The following CALHM4 variants were observed in gnomAD, a reference collection of about 807,000 sequenced individuals.
CALHM4 encodes the protein calcium homeostasis modulator protein 4.
A neutral mutation model predicts 13.3 loss-of-function variants in CALHM4; 16 were observed. The observed-to-expected ratio is 1.20, with a 90% CI of 0.81 to 1.82. The LOEUF is 1.82. Among genes scored for constraint, CALHM4 ranks in the 40% most tolerant of loss-of-function variants. The pLI, the probability that CALHM4 is intolerant of heterozygous loss-of-function variation, is 0.00. For missense variants in CALHM4, 344 were observed against 374.9 expected (o/e 0.92, Z 0.68); for synonymous variants, 127 against 137.1 (o/e 0.93, Z 0.52).
chr6:116,555,601 G>A (rs1304826954), intron 1 of CALHM4, among the ~76,000 whole-genome samples: 1 of 152,130 alleles, frequency 6.6e-6, no homozygotes, highest in East Asian at 1.9e-4. Context: ...CCATTTTACA[G>A]ATAAGTAAAT....
chr6:116,544,365 C>A (rs1045524509), intron 2 of CALHM4, among the ~76,000 whole-genome samples: 1 of 152,000 alleles, frequency 6.6e-6, no homozygotes. Context: ...ATATTGAAAT[C>A]TATTTTATTT....
chr6:116,556,022 G>A (rs1774300877), intron 1 of CALHM4, among the ~76,000 whole-genome samples: 1 of 152,144 alleles, frequency 6.6e-6, no homozygotes, highest in African/African-American at 2.4e-5. Flanking sequence ...TCTGGCCCTT[G>A]ACCACTTTTA....
At chr6:116,529,835 C>A (rs1251753464) in intron 1 of CALHM4, among the ~76,000 whole-genome samples, 2 of 152,124 alleles carry the variant, frequency 1.3e-5, no homozygotes, top group South Asian at 4.1e-4. Flanking sequence ...TATTTTATGG[C>A]CCCCAGGCTG....
chr6:116,529,260 C>T (rs1368779838), intron 1 of CALHM4: 2 of 152,248 alleles, frequency 1.3e-5, no homozygotes, highest in Non-Finnish European at 2.9e-5. Flanking sequence ...ACCTGGGTTT[C>T]CTACTTCAAT....
intron 2 of CALHM4, among the ~76,000 whole-genome samples, chr6:116,547,215 T>C (rs1773835088): frequency 6.6e-6 from 1 of 152,170 alleles, no homozygotes; most frequent in Non-Finnish European, 1.5e-5. Context: ...GGACAGCATG[T>C]TGCTGGGTCA....
rs1189394727 is a variant in CALHM4, at chr6:116,561,067, C to T, written c.*2856C>T. On this transcript the variant is annotated 3_prime_UTR_variant, in exon 2 of 2. Coordinates refer to ENST00000368596, the MANE Select transcript of CALHM4 (RefSeq NM_001366078.2). ...TCTCTTTTCTCTGTTCTCAGTCTTC[C>T]ATTCATTTTTTGTAGAAATTCTAAT... Among the ~76,000 whole-genome samples, 3 of 152,322 alleles carry T rather than the reference C, an allele frequency of 2.0e-5. No homozygotes were observed. The East Asian group carries it at 5.8e-4, about 29-fold the overall frequency.
upstream of CALHM4, among the ~76,000 whole-genome samples, chr6:116,550,927 C>G (rs9374612): frequency 6.6e-6 from 1 of 152,126 alleles, no homozygotes; most frequent in Admixed American, 6.5e-5. Flanking sequence ...TGAACCACTT[C>G]CTTATCTAAT....
chr6:116,538,263 A>G (rs1275486479), intron 1 of CALHM4, among the ~76,000 whole-genome samples: 1 of 152,224 alleles, frequency 6.6e-6, no homozygotes, highest in Non-Finnish European at 1.5e-5. Flanking sequence ...ATGTCACTGC[A>G]CTATTCTAAC....
upstream of CALHM4, among the ~76,000 whole-genome samples, chr6:116,549,626 T>G (rs2115272803): frequency 1.3e-5 from 2 of 151,958 alleles, no homozygotes; most frequent in Middle Eastern, 6.8e-3. Context: ...CTTTGTATAT[T>G]TTATATATTT....
intron 1 of CALHM4, among the ~76,000 whole-genome samples, chr6:116,530,693 A>G (rs1772644439): frequency 6.6e-6 from 1 of 151,976 alleles, no homozygotes; most frequent in Non-Finnish European, 1.5e-5. Context: ...GAGTCATTTT[A>G]TTTTGAAGTG....
At chr6:116,531,551 G>T (rs1019347197) in intron 1 of CALHM4, among the ~76,000 whole-genome samples, 3 of 152,090 alleles carry the variant, frequency 2.0e-5, no homozygotes, top group Non-Finnish European at 2.9e-5. Context: ...GTTCTTTCAT[G>T]GGGTCTGATT....
chr6:116,546,170 G>A (rs1198749208), intron 2 of CALHM4, among the ~76,000 whole-genome samples: 2 of 152,122 alleles, frequency 1.3e-5, no homozygotes, highest in Non-Finnish European at 2.9e-5. Flanking sequence ...GATAGAATGG[G>A]CAATATTTTC....
At chr6:116,544,657 T>C (rs918388212) in intron 2 of CALHM4, among the ~76,000 whole-genome samples, 9 of 152,146 alleles carry the variant, frequency 5.9e-5, no homozygotes, top group African/African-American at 2.2e-4. Context: ...CGGTATAATA[T>C]GAACTATGTA....
upstream of CALHM4, among the ~76,000 whole-genome samples, chr6:116,549,980 TTATATATATATATA>T (rs10544532): frequency 0.013 from 1,036 of 81,926 alleles, 17 homozygotes; most frequent in African/African-American, 0.025. Context: ...CCATCTTAAA[TTATATATATATATA>T]TATATATATA....
At chr6:116,530,197 G>A (rs1772610904) in intron 1 of CALHM4, among the ~76,000 whole-genome samples, 1 of 151,982 alleles carries the variant, frequency 6.6e-6, no homozygotes, top group Admixed American at 6.6e-5. Context: ...GTAAAATACA[G>A]AAGCATAAGG....
upstream of CALHM4, among the ~76,000 whole-genome samples, chr6:116,548,968 G>A (rs1486987440): frequency 6.6e-6 from 1 of 152,108 alleles, no homozygotes; most frequent in African/African-American, 2.4e-5. Flanking sequence ...CTTTAATTAA[G>A]TTCATTTTTA....
intron 1 of CALHM4, among the ~76,000 whole-genome samples, chr6:116,529,527 A>G (rs1206635209): frequency 6.6e-6 from 1 of 152,146 alleles, no homozygotes; most frequent in African/African-American, 2.4e-5. Context: ...TGCTCGAGGT[A>G]AAGTAGATTG....
chr6:116,555,361 A>C (rs2115293553), intron 1 of CALHM4, among the ~76,000 whole-genome samples: 1 of 152,352 alleles, frequency 6.6e-6, no homozygotes, highest in African/African-American at 2.4e-5. Context: ...AAAAGCTAAA[A>C]TGTAACACAC....
intron 1 of CALHM4, among the ~76,000 whole-genome samples, chr6:116,534,343 A>G (rs751720672): frequency 6.6e-6 from 1 of 152,206 alleles, no homozygotes; most frequent in Non-Finnish European, 1.5e-5. Flanking sequence ...TTGGAAATCT[A>G]TAGCCCTCAT....
Sources: allele counts gnomAD v4.1 joint callset (sites outside exome capture counted in the v4.1 genomes callset), GRCh38; gene constraint gnomAD v4.1.1; transcripts MANE v1.5; gene names NCBI Gene and HGNC (gene_info 2026-07-23, HGNC 2026-07-21).